FILIP1L: variants seen among roughly 807,000 people sequenced by gnomAD.
The protein encoded by FILIP1L is filamin A-interacting protein 1-like.
A neutral mutation model predicts 96.6 loss-of-function variants in FILIP1L; 55 were observed. That is an observed-to-expected ratio of 0.57 (90% CI 0.46 to 0.71). The LOEUF (loss-of-function observed/expected upper bound fraction) is 0.71, where lower values mean the gene tolerates loss of function less well. FILIP1L is among the 30% of genes least tolerant of loss of function. The pLI is 0.00. For synonymous variants in FILIP1L, 467 were observed against 473.9 expected (o/e 0.99, Z 0.19); for missense variants, 1,304 against 1,321.2 (o/e 0.99, Z 0.20).
intron 1 of FILIP1L, among the ~76,000 whole-genome samples, chr3:100,017,886 G>C (rs1710391359): frequency 6.6e-6 from 1 of 152,096 alleles, no homozygotes; most frequent in African/African-American, 2.4e-5. Context: ...TAACTACATC[G>C]CCAGTTTTCC....
chr3:99,907,427 T>G (rs909250798), intron 4 of FILIP1L, among the ~76,000 whole-genome samples: 2 of 152,072 alleles, frequency 1.3e-5, no homozygotes, highest in Admixed American at 6.5e-5. Context: ...TTTTGTATTT[T>G]TAGTAGAGAC....
Position 99,831,888 on chromosome 3 carries a change from G to A in FILIP1L, c.3382-1283C>T, listed in dbSNP as rs143452821. 2.6e-5 allele frequency among the ~76,000 whole-genome samples: 4 copies of A among 152,316 alleles called. No individual in the cohort carries two copies. The East Asian group carries it at 7.7e-4, about 29-fold the overall frequency. ...ATAATTGAACTTCCTTTAGATGTAAGCTTTATTTTTTCTTCACCTGGAACT... is the reference window on the plus strand; with the variant it reads ...ATAATTGAACTTCCTTTAGATGTAAACTTTATTTTTTCTTCACCTGGAACT... On this transcript the variant is annotated intron_variant, in intron 5 of 5. Coordinates refer to ENST00000477258, the MANE Select transcript of FILIP1L (RefSeq NM_001387850.1).
At chr3:100,005,997 A>G (rs747914288) in intron 1 of FILIP1L, among the ~76,000 whole-genome samples, 3 of 152,192 alleles carry the variant, frequency 2.0e-5, no homozygotes, top group Non-Finnish European at 4.4e-5. Context: ...GGAGAATGGT[A>G]GAGAAGGGAA....
At chr3:99,876,421 C>A (rs1705528261) in intron 4 of FILIP1L, among the ~76,000 whole-genome samples, 1 of 152,220 alleles carries the variant, frequency 6.6e-6, no homozygotes, top group African/African-American at 2.4e-5. Flanking sequence ...GCCCTCCTGT[C>A]GGGCTAACAA....
rs527824455 is a variant in FILIP1L at position 99,903,890 on chromosome 3, G to T, written c.605+20340C>A. On this transcript the variant is annotated intron_variant, in intron 4 of 5. Transcript: ENST00000477258. ...GTCGTCCCCTGCTGCTTCATTTAATGGTACTCATTTGTCCTAAATAAAAAA... is the reference window on the plus strand; with the variant it reads ...GTCGTCCCCTGCTGCTTCATTTAATTGTACTCATTTGTCCTAAATAAAAAA... Among the ~76,000 whole-genome samples the T allele has an allele frequency of 3.1e-3, 471 of 152,170 alleles. 4 individuals are homozygous for T. The highest frequency in any genetic ancestry group is 0.011 in the African/African-American group (446 of 41,506).
At chr3:99,860,550 C>T (rs1264673408) in intron 4 of FILIP1L, among the ~76,000 whole-genome samples, 2 of 152,142 alleles carry the variant, frequency 1.3e-5, no homozygotes, top group Non-Finnish European at 2.9e-5. Context: ...AAAGGCCAGT[C>T]TGAGGGTCCA....
intron 1 of FILIP1L, among the ~76,000 whole-genome samples, chr3:99,938,186 G>T (rs1022704173): frequency 6.6e-6 from 1 of 152,044 alleles, no homozygotes; most frequent in African/African-American, 2.4e-5. Context: ...GTAAACTTTC[G>T]ATCATAAATA....
At chr3:100,101,806 T>G (rs1340407496) in intron 1 of FILIP1L, among the ~76,000 whole-genome samples, 1 of 152,094 alleles carries the variant, frequency 6.6e-6, no homozygotes, top group East Asian at 1.9e-4. Flanking sequence ...GTGTGTGATG[T>G]TCCCCTTCCT....
chr3:100,039,828 AC>A (rs2065172896), intron 1 of FILIP1L: 1 of 148,938 alleles, frequency 6.7e-6, no homozygotes, highest in South Asian at 2.1e-4. Flanking sequence ...ATCTCGGCTC[AC>A]TGCAACCTCC....
chr3:100,084,026 C>T (rs187989124), intron 1 of FILIP1L, among the ~76,000 whole-genome samples: 1 of 152,240 alleles, frequency 6.6e-6, no homozygotes, highest in Admixed American at 6.5e-5. Flanking sequence ...TTATTTCTTC[C>T]TTTCATAAAA....
intron 1 of FILIP1L, among the ~76,000 whole-genome samples, chr3:100,052,767 T>A (rs1283899246): frequency 6.6e-6 from 1 of 152,220 alleles, no homozygotes; most frequent in Non-Finnish European, 1.5e-5. Context: ...ACCAGTTGTT[T>A]GAGTATATAC....
chr3:100,109,498 G>A (rs2066452230), intron 1 of FILIP1L, among the ~76,000 whole-genome samples: 1 of 152,132 alleles, frequency 6.6e-6, no homozygotes, highest in Non-Finnish European at 1.5e-5. Flanking sequence ...CTCAGCGTCA[G>A]CTGTTGGCAA....
chr3:100,065,001 A>G (rs2065640050), intron 1 of FILIP1L, among the ~76,000 whole-genome samples: 1 of 152,192 alleles, frequency 6.6e-6, no homozygotes, highest in Non-Finnish European at 1.5e-5. Context: ...ACAAAACACT[A>G]TGCTAGGCAT....
At chr3:100,109,085 C>T (rs1164195147) in intron 1 of FILIP1L, among the ~76,000 whole-genome samples, 17 of 119,992 alleles carry the variant, frequency 1.4e-4, no homozygotes, top group Admixed American at 1.3e-3. Context: ...TTAACTGTCT[C>T]TTAAAAAAAA....
intron 1 of FILIP1L, among the ~76,000 whole-genome samples, chr3:100,035,910 A>T (rs1422016488): frequency 6.6e-6 from 1 of 152,138 alleles, no homozygotes; most frequent in Non-Finnish European, 1.5e-5. Context: ...CTATTATGTG[A>T]TTTGAACTTT....
chr3:99,989,798 A>G (rs2107127552), intron 1 of FILIP1L, among the ~76,000 whole-genome samples: 1 of 152,178 alleles, frequency 6.6e-6, no homozygotes, highest in East Asian at 1.9e-4. Flanking sequence ...TTGATTTGAT[A>G]GAAAGGAAAA....
intron 1 of FILIP1L, among the ~76,000 whole-genome samples, chr3:100,037,108 T>C (rs942527225): frequency 3.3e-5 from 5 of 152,202 alleles, no homozygotes; most frequent in Non-Finnish European, 7.4e-5. Context: ...AGAACAGTAT[T>C]GGGACAATTG....
Position 99,929,987 on chromosome 3 carries a change from C to A in FILIP1L, c.295G>T (p.Asp99Tyr). The change falls in exon 3 of 6, where the codon GAC becomes TAC. Residue 99 changes from aspartate to tyrosine, a missense_variant. Transcript: ENST00000477258. ...TACTGAGCTTCCAGCAAAGCCAGGTCCATTTTTTCAGCCTTTAAAATGCCT... is the reference window on the plus strand; with the variant it reads ...TACTGAGCTTCCAGCAAAGCCAGGTACATTTTTTCAGCCTTTAAAATGCCT... ...VIGILKAEKM[D>Y]LALLEAQYGF... 1 of 1,613,876 alleles carries A rather than the reference C, an allele frequency of 6.2e-7. No homozygotes were observed. Among genetic ancestry groups the A allele is most frequent in the Non-Finnish European group, 8.5e-7 (1 of 1,179,922 alleles).
At chr3:99,988,451 G>T (rs1004125769) in intron 1 of FILIP1L, among the ~76,000 whole-genome samples, 1 of 142,128 alleles carries the variant, frequency 7.0e-6, no homozygotes, top group Non-Finnish European at 1.5e-5. Context: ...GGCGGAGGTT[G>T]CAGTGAGCCG....
Sources: gnomAD v4.1 joint callset for allele counts (sites outside exome capture counted in the v4.1 genomes callset) on GRCh38, gnomAD v4.1.1 for gene constraint, MANE v1.5 for transcripts, NCBI Gene and HGNC (gene_info 2026-07-23, HGNC 2026-07-21) for gene names.